The following SGCZ variants were observed in gnomAD, a reference collection of about 807,000 sequenced individuals.
SGCZ encodes the protein sarcoglycan zeta.
SGCZ carries 40 observed loss-of-function variants against 41.3 expected under a neutral mutation model. The ratio of observed to expected loss-of-function variants is 0.97; its 90% CI spans 0.75 to 1.26. The LOEUF (loss-of-function observed/expected upper bound fraction) is 1.26, where lower values mean the gene tolerates loss of function less well. SGCZ is among the 50% of genes most tolerant of loss of function. SGCZ has a pLI of 0.00. For synonymous variants in SGCZ, 206 were observed against 137.5 expected (o/e 1.50, Z -3.49); for missense variants, 552 against 369.8 (o/e 1.49, Z -4.04).
At chr8:15,141,966 T>C (rs1330072193) in intron 1 of SGCZ, among the ~76,000 whole-genome samples, 2 of 151,472 alleles carry the variant, frequency 1.3e-5, no homozygotes, top group African/African-American at 4.9e-5. Flanking sequence ...GGAAGGAGCC[T>C]GTAGCAGTGG....
chr8:15,236,002 G>C (rs957812113), intron 1 of SGCZ, among the ~76,000 whole-genome samples: 3 of 152,202 alleles, frequency 2.0e-5, no homozygotes, highest in African/African-American at 7.2e-5. Context: ...AGAGAGATAA[G>C]AGGAAACTTC....
intron 1 of SGCZ, among the ~76,000 whole-genome samples, chr8:14,850,730 G>A (rs191850136): frequency 2.0e-5 from 3 of 152,262 alleles, no homozygotes; most frequent in Non-Finnish European, 4.4e-5. Flanking sequence ...AGACCAGGTG[G>A]AGGTAATTGA....
intron 1 of SGCZ, among the ~76,000 whole-genome samples, chr8:14,794,870 G>A (rs1175054993): frequency 3.9e-5 from 6 of 152,142 alleles, no homozygotes; most frequent in Non-Finnish European, 7.3e-5. Context: ...CTCTACTATT[G>A]AGTCAAGAAA....
intron 2 of SGCZ, among the ~76,000 whole-genome samples, chr8:14,545,396 T>C (rs1803594707): frequency 1.4e-5 from 2 of 142,166 alleles, no homozygotes. Flanking sequence ...AATTATACTT[T>C]TGAAAAGCAA....
At chr8:14,469,866 G>A (rs1585557686) in intron 2 of SGCZ, among the ~76,000 whole-genome samples, 1 of 152,118 alleles carries the variant, frequency 6.6e-6, no homozygotes, top group Admixed American at 6.6e-5. Flanking sequence ...GAAGCTCTGT[G>A]CCCCTTCCCA....
intron 5 of SGCZ, among the ~76,000 whole-genome samples, chr8:14,154,804 C>G (rs1803827402): frequency 6.6e-6 from 1 of 152,100 alleles, no homozygotes; most frequent in Admixed American, 6.6e-5. Context: ...AACGGAGGTA[C>G]ATGGATGGGC....
intron 1 of SGCZ, among the ~76,000 whole-genome samples, chr8:15,088,125 G>A (rs994439817): frequency 6.6e-6 from 1 of 152,088 alleles, no homozygotes; most frequent in Non-Finnish European, 1.5e-5. Flanking sequence ...AGTATTCATA[G>A]GCAGTGCAAT....
chr8:15,019,757 C>T (rs1803184205), intron 1 of SGCZ, among the ~76,000 whole-genome samples: 1 of 151,246 alleles, frequency 6.6e-6, no homozygotes, highest in South Asian at 2.1e-4. Flanking sequence ...TGATCTGACT[C>T]CAGCATGTCT....
At chr8:14,958,554 G>A (rs899856406) in intron 1 of SGCZ, among the ~76,000 whole-genome samples, 11 of 152,032 alleles carry the variant, frequency 7.2e-5, no homozygotes, top group African/African-American at 2.6e-4. Flanking sequence ...AAAATGAGAA[G>A]TGACTGTGGA....
At chr8:14,272,899 G>T (rs1800107865) in intron 3 of SGCZ, among the ~76,000 whole-genome samples, 1 of 151,790 alleles carries the variant, frequency 6.6e-6, no homozygotes, top group Admixed American at 6.6e-5. Flanking sequence ...AAATGACTTG[G>T]GTTAACTCTT....
At chr8:14,595,743 A>G (rs1805391378) in intron 1 of SGCZ, among the ~76,000 whole-genome samples, 1 of 152,194 alleles carries the variant, frequency 6.6e-6, no homozygotes, top group Non-Finnish European at 1.5e-5. Context: ...TAAATTAAAC[A>G]ACAAATTCTT....
chr8:14,240,942 C>T (rs1033501390), intron 3 of SGCZ, among the ~76,000 whole-genome samples: 1 of 152,074 alleles, frequency 6.6e-6, no homozygotes, highest in African/African-American at 2.4e-5. Flanking sequence ...AGATACAATC[C>T]TAAGCAATTC....
intron 2 of SGCZ, among the ~76,000 whole-genome samples, chr8:14,365,025 G>A (rs1192434711): frequency 6.6e-6 from 1 of 151,688 alleles, no homozygotes; most frequent in East Asian, 1.9e-4. Flanking sequence ...ACTTTCTATG[G>A]TAAAATGTAC....
At chr8:14,098,743 T>C (rs1389621695) in intron 7 of SGCZ, among the ~76,000 whole-genome samples, 1 of 152,044 alleles carries the variant, frequency 6.6e-6, no homozygotes, top group African/African-American at 2.4e-5. Context: ...CTAATGGAGA[T>C]GTGGAGAAGA....
chr8:14,474,397 A>G (rs1463547004), intron 2 of SGCZ, among the ~76,000 whole-genome samples: 1 of 152,224 alleles, frequency 6.6e-6, no homozygotes, highest in Non-Finnish European at 1.5e-5. Flanking sequence ...ACACACATAT[A>G]TGTGAGCACA....
chr8:15,206,834 A>T (rs892783655), intron 1 of SGCZ, among the ~76,000 whole-genome samples: 1 of 151,858 alleles, frequency 6.6e-6, no homozygotes, highest in Non-Finnish European at 1.5e-5. Context: ...GCATAATTCG[A>T]GGGGTACTTT....
intron 5 of SGCZ, among the ~76,000 whole-genome samples, chr8:14,133,856 C>T (rs1229378793): frequency 1.3e-5 from 2 of 152,100 alleles, no homozygotes; most frequent in African/African-American, 4.8e-5. Context: ...CTACATTATA[C>T]TGCACTCCAG....
intron 1 of SGCZ, among the ~76,000 whole-genome samples, chr8:14,599,134 A>T (rs1805506375): frequency 6.6e-6 from 1 of 152,156 alleles, no homozygotes; most frequent in Non-Finnish European, 1.5e-5. Flanking sequence ...ATCTCCGTAC[A>T]TCAATTTCAG....
intron 1 of SGCZ, among the ~76,000 whole-genome samples, chr8:15,048,507 G>T (rs1804395444): frequency 6.6e-6 from 1 of 151,992 alleles, no homozygotes. Flanking sequence ...ACAAAGAAAT[G>T]ATACATGTTT....
Sources: gnomAD v4.1 joint callset for allele counts (sites outside exome capture counted in the v4.1 genomes callset) on GRCh38, gnomAD v4.1.1 for gene constraint, MANE v1.5 for transcripts, NCBI Gene and HGNC (gene_info 2026-07-23, HGNC 2026-07-21) for gene names.